The following MICU3 variants were observed in gnomAD, a reference collection of about 807,000 sequenced individuals.
MICU3 encodes calcium uptake protein 3, mitochondrial.
In MICU3, 62 loss-of-function variants were observed where a neutral mutation model predicts 66.5. That is an observed-to-expected ratio of 0.93 (90% CI 0.76 to 1.15). The LOEUF is 1.15. Ranked by LOEUF, MICU3 falls within the 50% of genes most tolerant of loss-of-function variation. The pLI is 0.00. For synonymous variants in MICU3, 308 were observed against 240.7 expected (o/e 1.28, Z -2.59); for missense variants, 779 against 664.4 (o/e 1.17, Z -1.90).
At chr8:17,043,000 C>T (rs1052193830) in intron 1 of MICU3, among the ~76,000 whole-genome samples, 28 of 126,470 alleles carry the variant, frequency 2.2e-4, no homozygotes, top group Admixed American at 2.9e-4. Flanking sequence ...ACTGCAGTGG[C>T]GCTATCCCGG....
At chr8:17,044,745 C>T (rs1159101957) in intron 1 of MICU3, among the ~76,000 whole-genome samples, 1 of 152,120 alleles carries the variant, frequency 6.6e-6, no homozygotes, top group Non-Finnish European at 1.5e-5. Flanking sequence ...CAGCTTCAGG[C>T]TCAGAGATTA....
chr8:17,112,124 C>A (rs557773632), intron 11 of MICU3, among the ~76,000 whole-genome samples: 8 of 152,256 alleles, frequency 5.3e-5, no homozygotes, highest in African/African-American at 1.9e-4. Flanking sequence ...ATAGGTCCCT[C>A]CCTCCCTGGA....
At chr8:17,050,683 T>C (rs1311346657) in intron 1 of MICU3, among the ~76,000 whole-genome samples, 2 of 152,212 alleles carry the variant, frequency 1.3e-5, no homozygotes, top group African/African-American at 4.8e-5. Flanking sequence ...TTAAGCTGTT[T>C]AGTTCATGTG....
intron 1 of MICU3, among the ~76,000 whole-genome samples, chr8:17,029,118 A>G (rs1014867489): frequency 1.3e-5 from 2 of 152,214 alleles, no homozygotes; most frequent in African/African-American, 4.8e-5. Context: ...CTGGGGTGTT[A>G]TGAGAGTTAA....
chr8:17,110,357 A>G (rs1021031086), intron 11 of MICU3, among the ~76,000 whole-genome samples: 13 of 152,042 alleles, frequency 8.6e-5, no homozygotes, highest in Admixed American at 6.6e-5. Flanking sequence ...ACCTCTTTCT[A>G]CTTCTAAACC....
Position 17,031,927 on chromosome 8 carries a change from C to T in MICU3, c.381+4267C>T, listed in dbSNP as rs1812145796. On this transcript the variant is annotated intron_variant, in intron 1 of 14. Coordinates refer to ENST00000318063, the MANE Select transcript of MICU3 (RefSeq NM_181723.3). ...ATGTCTTTTTTTGTAATTATTTGAT[C>T]ATTGTTTGTCTTCTTTACTTGTCTT... Among the ~76,000 whole-genome samples, 2 of 152,130 alleles carry T rather than the reference C, an allele frequency of 1.3e-5. 1 individual carries two copies. Among genetic ancestry groups the T allele is most frequent in the Non-Finnish European group, 2.9e-5 (2 of 68,024 alleles).
At chr8:17,060,801 A>G (rs990790351) in intron 1 of MICU3, among the ~76,000 whole-genome samples, 1 of 142,306 alleles carries the variant, frequency 7.0e-6, no homozygotes, top group Non-Finnish European at 1.5e-5. Flanking sequence ...TTAGGATATA[A>G]TTTTTTTTTT....
At chr8:17,086,326 C>G (rs3850762) in intron 6 of MICU3, among the ~76,000 whole-genome samples, 2 of 151,778 alleles carry the variant, frequency 1.3e-5, no homozygotes, top group Non-Finnish European at 2.9e-5. Flanking sequence ...CAGAAGCTAA[C>G]TAGTAGCCAT....
chr8:17,113,256 A>T (rs911692481), intron 11 of MICU3, among the ~76,000 whole-genome samples: 4 of 152,060 alleles, frequency 2.6e-5, no homozygotes, highest in African/African-American at 9.7e-5. Flanking sequence ...TTAGGCCTCA[A>T]CTCGGCCTTC....
At chr8:17,040,643 G>GA (rs1389470183) in intron 1 of MICU3, among the ~76,000 whole-genome samples, 2 of 151,922 alleles carry the variant, frequency 1.3e-5, no homozygotes, top group Non-Finnish European at 1.5e-5. Flanking sequence ...ATAAACATAT[G>GA]AAAAAAAATT....
downstream of MICU3, among the ~76,000 whole-genome samples, chr8:17,127,192 G>A (rs1189255625): frequency 1.3e-5 from 2 of 152,172 alleles, no homozygotes; most frequent in Admixed American, 6.6e-5. Flanking sequence ...AAAAATCTAT[G>A]AAAAGCACCC....
intron 1 of MICU3, among the ~76,000 whole-genome samples, chr8:17,062,735 G>A (rs1049606590): frequency 6.6e-6 from 1 of 152,122 alleles, no homozygotes; most frequent in African/African-American, 2.4e-5. Flanking sequence ...TGACTAAAAA[G>A]TCTTCTTTGA....
chr8:17,135,117 TTGGCC>T, the MICU3 span, among the ~76,000 whole-genome samples: 722 of 152,268 alleles, frequency 4.7e-3, 3 homozygotes, highest in Non-Finnish European at 7.6e-3. Flanking sequence ...GAATGGACAT[TTGGCC>T]AGGCGCAGTG....
rs553066802 is a variant in MICU3, at chr8:17,114,754, C to T, written c.1366+553C>T. On this transcript the variant is annotated intron_variant, in intron 12 of 14. Coordinates refer to ENST00000318063, the MANE Select transcript of MICU3 (RefSeq NM_181723.3). ...CATGTCCTTTTTAAAACTTCTTGCC[C>T]TATGGGGACTTTGTTTGTCTTAAGG... Among the ~76,000 whole-genome samples, 388 of 152,214 alleles carry T rather than the reference C, an allele frequency of 2.5e-3. 1 individual carries two copies. Among genetic ancestry groups the T allele is most frequent in the African/African-American group, 8.8e-3 (365 of 41,528 alleles).
chr8:17,119,367 TG>T (rs1802997405), intron 14 of MICU3, among the ~76,000 whole-genome samples: 1 of 152,172 alleles, frequency 6.6e-6, no homozygotes, highest in Non-Finnish European at 1.5e-5. Context: ...GCGAGGAGTT[TG>T]TTTTTTTCTT....
At chr8:17,088,962 A>T (rs185947814) in intron 7 of MICU3, among the ~76,000 whole-genome samples, 1 of 152,084 alleles carries the variant, frequency 6.6e-6, no homozygotes, top group African/African-American at 2.4e-5. Context: ...ATACCAGCAT[A>T]CCCTAAGTTG....
At chr8:17,135,234 A>T in the MICU3 span, among the ~76,000 whole-genome samples, 758 of 152,212 alleles carry the variant, frequency 5.0e-3, 6 homozygotes, top group Middle Eastern at 6.8e-3. Flanking sequence ...CCCCATCCCT[A>T]CTAGAAATAC....
chr8:17,081,722 C>A lies in MICU3; in HGVS notation c.676C>A (p.Leu226Ile), dbSNP rs199871743. ...GATTTCTTACACAGAATATCTTTTT[C>A]TTTTATGTATTTTAACAAGTAAGTA... ...GVISYTEYLF[L>I]LCILTKPHAG... Residue 226 changes from leucine to isoleucine, a missense_variant, in exon 5 of 15, where the codon CTT becomes ATT. Leu to Ile is a conservative substitution (Grantham distance 5, BLOSUM62 2). Coordinates refer to ENST00000318063, the MANE Select transcript of MICU3 (RefSeq NM_181723.3). 5.8e-5 allele frequency: 53 copies of A among 918,602 alleles called. No homozygotes were observed. In the African/African-American group the frequency reaches 8.3e-4, roughly 14 times the overall value. The allele number at this position is 918,602 out of a possible 1,614,324, so 56.9% of individuals were successfully genotyped here. A position where few individuals can be genotyped will look rare whatever the true frequency, so the allele number is the denominator to read the frequency against.
Position 17,098,557 on chromosome 8 carries a change from T to A in MICU3, c.984+4T>A, listed in dbSNP as rs373059368. ...ACTGTTTTCAGACCTCGCAGAGGTA[T>A]AATTAAACCTCAACAAGGTCCTTGT... On this transcript the variant is annotated splice_donor_region_variant and intron_variant, in intron 9 of 14. Coordinates refer to ENST00000318063, the MANE Select transcript of MICU3 (RefSeq NM_181723.3). 1.9e-6 allele frequency: 3 copies of A among 1,582,168 alleles called. No individual in the cohort carries two copies. The highest frequency in any genetic ancestry group is 2.6e-6 in the Non-Finnish European group (3 of 1,151,656).
Sources: allele counts gnomAD v4.1 joint callset (sites outside exome capture counted in the v4.1 genomes callset), GRCh38; gene constraint gnomAD v4.1.1; transcripts MANE v1.5; gene names NCBI Gene and HGNC (gene_info 2026-07-23, HGNC 2026-07-21).